The following FRMD3 variants were observed in gnomAD, a reference collection of about 807,000 sequenced individuals.
FRMD3 encodes FERM domain containing 3, also known as FERM domain-containing protein 3.
Under a neutral mutation model 70.2 loss-of-function variants are expected in FRMD3, and 33 were observed. The ratio of observed to expected loss-of-function variants is 0.47; its 90% CI spans 0.36 to 0.63. The LOEUF (loss-of-function observed/expected upper bound fraction) is 0.63. Among genes scored for constraint, FRMD3 ranks in the 20% least tolerant of loss-of-function variants. The probability of loss-of-function intolerance (pLI) is 0.00; values close to 1 mark genes in which losing one functional copy is unlikely to be tolerated. For missense variants in FRMD3, 632 were observed against 711.4 expected (o/e 0.89, Z 1.27); for synonymous variants, 279 against 255.9 (o/e 1.09, Z -0.86).
At chr9:83,378,909 G>C (rs1281928034) in intron 2 of FRMD3, among the ~76,000 whole-genome samples, 1 of 103,076 alleles carries the variant, frequency 9.7e-6, no homozygotes, top group Non-Finnish European at 2.1e-5. Context: ...ATATATTTTA[G>C]TACAGATGGG....
At chr9:83,416,778 TCTCTCTCTCA>T (rs763119617) in intron 1 of FRMD3, among the ~76,000 whole-genome samples, 16,975 of 135,450 alleles carry the variant, frequency 0.13, 940 homozygotes, top group South Asian at 0.16. Context: ...TCTCTCTCTC[TCTCTCTCTCA>T]CTCTCTCTCT....
chr9:83,473,855 AAAAT>A (rs767435015), intron 1 of FRMD3, among the ~76,000 whole-genome samples: 8 of 152,234 alleles, frequency 5.3e-5, no homozygotes, highest in Non-Finnish European at 1.2e-4. Context: ...AGGAAGCAGG[AAAAT>A]AAATAAATTG....
At chr9:83,416,604 T>C (rs1826448475) in intron 1 of FRMD3, among the ~76,000 whole-genome samples, 1 of 152,202 alleles carries the variant, frequency 6.6e-6, no homozygotes, top group African/African-American at 2.4e-5. Flanking sequence ...AATAAGCAAC[T>C]TCATGTGACT....
chr9:83,438,303 C>G lies in FRMD3; in HGVS notation c.148-48595G>C, dbSNP rs531039744. Among the ~76,000 whole-genome samples, 5 of 152,284 alleles carry G rather than the reference C, an allele frequency of 3.3e-5. No homozygotes were observed. In the East Asian group the frequency reaches 9.7e-4, roughly 29 times the overall value. On this transcript the variant is annotated intron_variant, in intron 1 of 13. Coordinates refer to ENST00000304195, the MANE Select transcript of FRMD3 (RefSeq NM_174938.6). ...TAAACACTAACTATTTGGAGAAAAT[C>G]ATACTTGTGACTTACGGATGATGTC...
intron 6 of FRMD3, among the ~76,000 whole-genome samples, chr9:83,334,461 C>G (rs1823508775): frequency 6.6e-6 from 1 of 152,196 alleles, no homozygotes; most frequent in Non-Finnish European, 1.5e-5. Flanking sequence ...GGAGCTAGAA[C>G]AATTTCCTCA....
intron 3 of FRMD3, among the ~76,000 whole-genome samples, chr9:83,360,033 A>G (rs773870958): frequency 6.6e-6 from 1 of 152,092 alleles, no homozygotes; most frequent in Non-Finnish European, 1.5e-5. Context: ...CTCAGGGAGG[A>G]GTGAGGAAGA....
intron 1 of FRMD3, among the ~76,000 whole-genome samples, chr9:83,534,869 G>A (rs1436398729): frequency 6.6e-6 from 1 of 152,172 alleles, no homozygotes; most frequent in Non-Finnish European, 1.5e-5. Flanking sequence ...CTGGCAAATA[G>A]GGTCGCTTTG....
intron 13 of FRMD3, chr9:83,279,035 CA>C (rs944431922): frequency 1.3e-5 from 2 of 152,228 alleles, no homozygotes; most frequent in African/African-American, 4.8e-5. Context: ...CCACAGATCA[CA>C]AGGGATGCTC....
intron 5 of FRMD3, among the ~76,000 whole-genome samples, chr9:83,342,634 G>A (rs1171283923): frequency 3.3e-5 from 5 of 152,052 alleles, no homozygotes; most frequent in Admixed American, 6.6e-5. Flanking sequence ...AGACATGTAC[G>A]TATGTATACA....
At chr9:83,501,969 A>G (rs1829078969) in intron 1 of FRMD3, among the ~76,000 whole-genome samples, 1 of 152,128 alleles carries the variant, frequency 6.6e-6, no homozygotes, top group South Asian at 2.1e-4. Flanking sequence ...CAAGCACCAA[A>G]ATTTGTTACT....
At chr9:83,357,878 T>A (rs572268110) in intron 3 of FRMD3, among the ~76,000 whole-genome samples, 7 of 152,384 alleles carry the variant, frequency 4.6e-5, no homozygotes, top group African/African-American at 1.7e-4. Flanking sequence ...GTGGGTTGTC[T>A]GTTAACTCTG....
At chr9:83,292,960 G>A (rs1834503614) in intron 12 of FRMD3, among the ~76,000 whole-genome samples, 1 of 152,178 alleles carries the variant, frequency 6.6e-6, no homozygotes, top group African/African-American at 2.4e-5. Context: ...ACTCCTTTAT[G>A]TGCTGTAGCC....
chr9:83,284,696 C>A (rs1013200094), intron 13 of FRMD3, among the ~76,000 whole-genome samples: 1 of 152,174 alleles, frequency 6.6e-6, no homozygotes, highest in Non-Finnish European at 1.5e-5. Context: ...GGCTTAGCAT[C>A]TGGGGGAAAA....
In FRMD3 at chr9:83,336,589, T is replaced by C. The variant is rs1399520719; in HGVS notation, c.473-950A>G. ...AAAACAAATTGATTGCTCTTGAAAT[T>C]AAGGAGTATACATCTAAAACAGAAG... On this transcript the variant is annotated intron_variant, in intron 5 of 13. Coordinates refer to ENST00000304195, the MANE Select transcript of FRMD3 (RefSeq NM_174938.6). Among the ~76,000 whole-genome samples the C allele has an allele frequency of 4.0e-5, 6 of 148,214 alleles. No individual in the cohort carries two copies. In the East Asian group the frequency reaches 1.2e-3, roughly 30 times the overall value.
At chr9:83,525,800 T>A (rs1179062161) in intron 1 of FRMD3, among the ~76,000 whole-genome samples, 2 of 152,158 alleles carry the variant, frequency 1.3e-5, no homozygotes, top group Non-Finnish European at 2.9e-5. Context: ...CTGGTTCAGG[T>A]GAGAGTTGCC....
chr9:83,407,393 A>G (rs926475556), intron 1 of FRMD3, among the ~76,000 whole-genome samples: 16 of 152,210 alleles, frequency 1.1e-4, no homozygotes, highest in African/African-American at 3.9e-4. Context: ...GCATACTACT[A>G]GAAGTCTAAA....
intron 3 of FRMD3, among the ~76,000 whole-genome samples, chr9:83,366,421 A>G (rs1313022732): frequency 2.0e-5 from 3 of 151,986 alleles, no homozygotes; most frequent in Non-Finnish European, 4.4e-5. Flanking sequence ...AAATACAAAA[A>G]AGTTATCCAG....
intron 1 of FRMD3, among the ~76,000 whole-genome samples, chr9:83,482,165 C>T (rs1023273281): frequency 6.6e-6 from 1 of 152,162 alleles, no homozygotes; most frequent in African/African-American, 2.4e-5. Context: ...GGAAGGCGTT[C>T]GTTTACAGCG....
chr9:83,497,304 ATC>A lies in FRMD3; in HGVS notation c.147+40779_147+40780del, dbSNP rs1475368500. Among the ~76,000 whole-genome samples, 6 of 152,278 alleles carry A rather than the reference ATC, an allele frequency of 3.9e-5. No homozygotes were observed. In the East Asian group the frequency reaches 1.2e-3, roughly 29 times the overall value. On this transcript the variant is annotated intron_variant, in intron 1 of 13. Transcript: ENST00000304195. ...ATTTATGAGCACCTGTGCCCAAAAGATCTCAAGGTAAATTAGCATTGTACCAC... is the reference window on the plus strand; with the variant it reads ...ATTTATGAGCACCTGTGCCCAAAAGATCAAGGTAAATTAGCATTGTACCAC...
Sources: allele counts gnomAD v4.1 joint callset (sites outside exome capture counted in the v4.1 genomes callset), GRCh38; gene constraint gnomAD v4.1.1; transcripts MANE v1.5; gene names NCBI Gene and HGNC (gene_info 2026-07-23, HGNC 2026-07-21).